Variants in IVD observed in about 807,000 individuals in gnomAD.
IVD encodes the protein isovaleryl-CoA dehydrogenase.
In IVD, 31 loss-of-function variants were observed where a neutral mutation model predicts 51.3. The observed-to-expected ratio is 0.60, with a 90% confidence interval of 0.45 to 0.81. The LOEUF (loss-of-function observed/expected upper bound fraction) is 0.81, where lower values mean the gene tolerates loss of function less well. IVD is among the 40% of genes least tolerant of loss of function. IVD has a pLI of 0.00. For synonymous variants in IVD, 205 were observed against 219.4 expected, an observed-to-expected ratio of 0.93 and a Z score of 0.58; for missense variants, 475 against 552.0, an observed-to-expected ratio of 0.86 and a Z score of 1.40.
At chr15:40,409,533 C>T (rs576985477) in intron 3 of IVD, among the ~76,000 whole-genome samples, 1 of 152,310 alleles carries the variant, frequency 6.6e-6, no homozygotes, top group East Asian at 1.9e-4. Flanking sequence ...TTCAGGCTTT[C>T]CTTCCTGCAG....
chr15:40,424,943 C>T (rs867496386), downstream of IVD, among the ~76,000 whole-genome samples: 1 of 152,202 alleles, frequency 6.6e-6, no homozygotes, highest in African/African-American at 2.4e-5. Context: ...AACAGCAGGG[C>T]CAGCCGGCTT....
rs944136288 is a variant in IVD, at chr15:40,420,136, C to A, written c.*1873C>A. 73 of 956,828 alleles carry A rather than the reference C, an allele frequency of 7.6e-5. No homozygotes were observed. The highest frequency in any genetic ancestry group is 9.0e-5 in the African/African-American group (5 of 55,358). 59.3% of individuals were successfully genotyped at this position (956,828 alleles called of 1,614,324 possible). On this transcript the variant is annotated 3_prime_UTR_variant, in exon 12 of 12. Transcript: ENST00000487418. ...ATAATAAAATAAATGAACACACATGCTGCTGAGTCCGCAGGGGGGGCAGAG... is the reference window on the plus strand; with the variant it reads ...ATAATAAAATAAATGAACACACATGATGCTGAGTCCGCAGGGGGGGCAGAG...
Position 40,407,640 on chromosome 15 carries a change from G to A in IVD, c.149G>A (p.Arg50His), listed in dbSNP as rs2229311. The A allele has an allele frequency of 1.3e-5, 21 of 1,613,824 alleles. No individual in the cohort carries two copies. The highest frequency in any genetic ancestry group is 5.0e-5 in the Admixed American group (3 of 59,980). The stretch of plus-strand genomic sequence containing the variant: ...TGTTTACCTCTCTCCTATTAGCTTC[G>A]TCAGACCATGGCTAAGTTCCTTCAG... ...NGLSEEQRQL[R>H]QTMAKFLQEH... Residue 50 changes from arginine to histidine, a missense_variant, in exon 2 of 12, where the codon CGT becomes CAT. Transcript: ENST00000487418.
At chr15:40,431,864 T>A (rs1434554153) in intron 7 of IVD, among the ~76,000 whole-genome samples, 1 of 152,044 alleles carries the variant, frequency 6.6e-6, no homozygotes, top group Non-Finnish European at 1.5e-5. Flanking sequence ...GTTGTCTATA[T>A]AACTAAGTGT....
At chr15:40,426,911 G>A (rs1325620839), downstream of IVD, among the ~76,000 whole-genome samples, 6 of 152,184 alleles carry the variant, frequency 3.9e-5, no homozygotes, top group Non-Finnish European at 8.8e-5. Context: ...TGCACTGGGC[G>A]ACGGGCTGGG....
At chr15:40,432,496 C>G (rs1595832349) in intron 7 of IVD, among the ~76,000 whole-genome samples, 1 of 152,366 alleles carries the variant, frequency 6.6e-6, no homozygotes, top group East Asian at 1.9e-4. Context: ...GTAGTCCCCC[C>G]AGAGGGTGTC....
intron 6 of IVD, chr15:40,412,762 T>G (rs2141338388): frequency 1.8e-6 from 1 of 544,290 alleles, no homozygotes; most frequent in African/African-American, 1.9e-5. Flanking sequence ...GAAAGAAGTG[T>G]CCCCATGAGA....
downstream of IVD, among the ~76,000 whole-genome samples, chr15:40,428,850 C>G (rs751961961): frequency 6.6e-6 from 1 of 152,182 alleles, no homozygotes; most frequent in Non-Finnish European, 1.5e-5. Context: ...AAAGAAGGAT[C>G]GGGCAGAGAA....
At chr15:40,413,854 C>A (rs1595781709) in intron 7 of IVD, among the ~76,000 whole-genome samples, 1 of 151,752 alleles carries the variant, frequency 6.6e-6, no homozygotes, top group Non-Finnish European at 1.5e-5. Context: ...CCCTGCCCAG[C>A]TAAATTTTTT....
chr15:40,408,994 A>C (rs1292911064), intron 3 of IVD, among the ~76,000 whole-genome samples: 1 of 152,166 alleles, frequency 6.6e-6, no homozygotes, highest in African/African-American at 2.4e-5. Flanking sequence ...CACTCTGGGC[A>C]TGAGAGTATG....
rs1891951132 is a variant in IVD, at chr15:40,418,431, A to G, written c.*168A>G. 7.9e-6 allele frequency: 12 copies of G among 1,524,870 alleles called. No homozygotes were observed. In the South Asian group the frequency reaches 1.4e-4, roughly 18 times the overall value. The allele number at this position is 1,524,870 out of a possible 1,614,324, so 94.5% of individuals were successfully genotyped here. On this transcript the variant is annotated 3_prime_UTR_variant, in exon 12 of 12. Coordinates refer to ENST00000487418, the MANE Select transcript of IVD (RefSeq NM_002225.5). ...TTCTCCACAACAGCTCCCAAGCATC[A>G]TGGGCCTCGCAGCCGGGCCTGTGCC...
chr15:40,419,651 A>G lies in IVD; in HGVS notation c.*1388A>G, dbSNP rs1352516206. 6.3e-6 allele frequency: 1 copy of G among 157,854 alleles called. No homozygotes were observed. 9.8% of individuals were successfully genotyped at this position (157,854 alleles called of 1,614,324 possible). A position where few individuals can be genotyped will look rare whatever the true frequency, so the allele number is the denominator to read the frequency against. Reference sequence around the variant, plus strand: ...ATGGTAAAACCTCGTCTCTACTAAAAATACAAAAATTAGCCAGGTGTGGTG... The same window carrying G: ...ATGGTAAAACCTCGTCTCTACTAAAGATACAAAAATTAGCCAGGTGTGGTG... On this transcript the variant is annotated 3_prime_UTR_variant, in exon 12 of 12. Coordinates refer to ENST00000487418, the MANE Select transcript of IVD (RefSeq NM_002225.5).
intron 8 of IVD, 90 bp downstream of exon 8, chr15:40,415,072 G>T: frequency 6.8e-7 from 1 of 1,479,032 alleles, no homozygotes; most frequent in Non-Finnish European, 9.2e-7. Flanking sequence ...CCCCTTGCGG[G>T]GCCAAAGGGA....
At position 40,418,552 on chromosome 15, in the gene IVD, C is replaced by G. The variant is rs1891964027; in HGVS notation, c.*289C>G. The stretch of plus-strand genomic sequence containing the variant: ...TTTGGTGACTCTGTGCCCTTGCTCT[C>G]TAACTTCTGAGCCCACCTCCCAGGG... On this transcript the variant is annotated 3_prime_UTR_variant, in exon 12 of 12. Coordinates refer to ENST00000487418, the MANE Select transcript of IVD (RefSeq NM_002225.5). 8.1e-7 allele frequency: 1 copy of G among 1,231,798 alleles called. No individual in the cohort carries two copies. The highest frequency in any genetic ancestry group is 1.6e-5 in the African/African-American group (1 of 64,084). The allele number at this position is 1,231,798 out of a possible 1,614,324, so 76.3% of individuals were successfully genotyped here. A position where few individuals can be genotyped will look rare whatever the true frequency, so the allele number is the denominator to read the frequency against.
intron 8 of IVD, chr15:40,435,311 G>A: frequency 6.6e-6 from 5 of 754,358 alleles, no homozygotes; most frequent in Non-Finnish European, 8.1e-6. Flanking sequence ...GAGCATGGGG[G>A]TCTCTCCATT....
chr15:40,420,931 C>A lies in IVD; in HGVS notation c.*2668C>A, dbSNP rs1892242573. ...GGAACTGGTTTTCTTGGTTCTCAGC[C>A]CAGCAGCACCTATCCTGGCTCTTGG... On this transcript the variant is annotated 3_prime_UTR_variant, in exon 12 of 12. Coordinates refer to ENST00000487418, the MANE Select transcript of IVD (RefSeq NM_002225.5). 3 of 985,518 alleles carry A rather than the reference C, an allele frequency of 3.0e-6. No individual in the cohort carries two copies. Among genetic ancestry groups the A allele is most frequent in the Non-Finnish European group, 3.6e-6 (3 of 830,008 alleles). The allele number at this position is 985,518 out of a possible 1,614,324, so 61.0% of individuals were successfully genotyped here.
At chr15:40,415,219 G>A in intron 8 of IVD, 182 bp from the exon 9 acceptor site, 1 of 733,366 alleles carries the variant, frequency 1.4e-6, no homozygotes, top group Non-Finnish European at 2.3e-6. Context: ...ACTCGGCTGT[G>A]AAACGACACC....
chr15:40,421,956 G>C (rs1892331294), downstream of IVD, among the ~76,000 whole-genome samples: 1 of 152,208 alleles, frequency 6.6e-6, no homozygotes, highest in Non-Finnish European at 1.5e-5. Context: ...TGGGACCTAA[G>C]ACCCAGGTGG....
At chr15:40,421,432 C>T, downstream of IVD, 2 of 981,704 alleles carry the variant, frequency 2.0e-6, no homozygotes, top group South Asian at 4.7e-5. Flanking sequence ...CTGCTCCTTC[C>T]TGCGGCTGGC....
Sources: allele counts gnomAD v4.1 joint callset (sites outside exome capture counted in the v4.1 genomes callset), GRCh38; gene constraint gnomAD v4.1.1; transcripts MANE v1.5; gene names NCBI Gene and HGNC (gene_info 2026-07-23, HGNC 2026-07-21).